Variants in FCER2 observed in about 807,000 individuals in gnomAD.
FCER2 encodes the protein low affinity immunoglobulin epsilon Fc receptor.
In FCER2, 38 loss-of-function variants were observed where a neutral mutation model predicts 49.7. The ratio of observed to expected loss-of-function variants is 0.76; its 90% CI spans 0.59 to 1.00. FCER2 has a LOEUF of 1.00. Among genes scored for constraint, FCER2 ranks in the 50% least tolerant of loss-of-function variants. The pLI, the probability that FCER2 is intolerant of heterozygous loss-of-function variation, is 0.00. For missense variants in FCER2, 425 were observed against 419.5 expected (o/e 1.01, Z -0.11); for synonymous variants, 163 against 164.6 (o/e 0.99, Z 0.07).
intron 8 of FCER2, among the ~76,000 whole-genome samples, chr19:7,693,779 G>A (rs1452075460): frequency 6.6e-6 from 1 of 151,930 alleles, no homozygotes; most frequent in East Asian, 2.0e-4. Context: ...CTCCCAAGTA[G>A]CTGGGATTAC....
chr19:7,696,428 G>T (rs781668295), intron 8 of FCER2, among the ~76,000 whole-genome samples: 2 of 151,992 alleles, frequency 1.3e-5, no homozygotes, highest in African/African-American at 4.8e-5. Flanking sequence ...TGGAGACGGG[G>T]TTTCACCATG....
rs866995831 is a variant in FCER2, at chr19:7,690,203, C to T, written c.684G>A (p.Leu228=). 3 of 1,614,078 alleles carry T rather than the reference C, an allele frequency of 1.9e-6. No homozygotes were observed. Among genetic ancestry groups the T allele is most frequent in the Admixed American group, 1.7e-5 (1 of 60,016 alleles). ...CATCCACCCAGATAAACTCCCCCTT[C>T]AGGTCCAAGTTCCGAAGGCCAATCC... ...GSWIGLRNLD[L]KGEFIWVDGS... is the part of the protein sequence containing the mutation. The change falls in exon 10 of 11, where the codon CTG becomes CTA. Residue 228 remains leucine, a synonymous_variant. Transcript: ENST00000597921.
At position 7,697,509 on chromosome 19, in the gene FCER2, A is replaced by C. The variant is rs1165519983; in HGVS notation, c.253+18T>G. 4 of 1,601,264 alleles carry C rather than the reference A, an allele frequency of 2.5e-6. No homozygotes were observed. The highest frequency in any genetic ancestry group is 3.4e-6 in the Non-Finnish European group (4 of 1,171,624). ...CCTCGCTTTTTCCCCTGCAACCCCA[A>C]CTCCAGGAGTCACTCACACTGGGAT... On this transcript the variant is annotated intron_variant, in intron 5 of 10. Coordinates refer to ENST00000597921, the MANE Select transcript of FCER2 (RefSeq NM_001220500.2).
rs549464635 is a variant in FCER2 at position 7,692,999 on chromosome 19, A to G, written c.470-2442T>C. Among the ~76,000 whole-genome samples, 5 of 152,156 alleles carry G rather than the reference A, an allele frequency of 3.3e-5. No homozygotes were observed. In the East Asian group the frequency reaches 9.6e-4, roughly 29 times the overall value. Reference sequence around the variant, plus strand: ...ACTTCAACCACCAACAAACCCCTCCAAGGTCAGCAACACCTTCATCACCGA... The same window carrying G: ...ACTTCAACCACCAACAAACCCCTCCGAGGTCAGCAACACCTTCATCACCGA... On this transcript the variant is annotated intron_variant, in intron 8 of 10. Coordinates refer to ENST00000597921, the MANE Select transcript of FCER2 (RefSeq NM_001220500.2).
chr19:7,700,152 G>C (rs2033122439), intron 1 of FCER2: 2 of 226,010 alleles, frequency 8.8e-6, no homozygotes, highest in Non-Finnish European at 1.8e-5. Context: ...ATGATACCAA[G>C]AACACCTATA....
At chr19:7,699,530 A>G (rs2033108499) in intron 2 of FCER2, 1 of 1,387,056 alleles carries the variant, frequency 7.2e-7, no homozygotes. Context: ...TGAATCAGAA[A>G]AAGGAGGGGC....
rs767687089 is a variant in FCER2 at position 7,697,265 on chromosome 19, C to T, written c.287G>A (p.Arg96Gln). ...AGATTTCAATCTCTGCTGTTCAGCT[C>T]GAAGTTCCTCCAGTTCCTGTGAAAT... ...TQISQELEEL[R>Q]AEQQRLKSQD... The change falls in exon 6 of 11, where the codon CGA becomes CAA. Residue 96 changes from arginine to glutamine, a missense_variant. Arg to Gln is a conservative substitution (Grantham distance 43). Transcript: ENST00000597921. The T allele has an allele frequency of 1.2e-5, 20 of 1,614,064 alleles. No individual in the cohort carries two copies. Among genetic ancestry groups the T allele is most frequent in the East Asian group, 2.2e-5 (1 of 44,904 alleles).
intron 6 of FCER2, 55 bp from the exon 7 acceptor site, chr19:7,697,130 G>A: frequency 6.2e-7 from 1 of 1,609,142 alleles, no homozygotes; most frequent in Non-Finnish European, 8.5e-7. Flanking sequence ...ACAGGCCGAG[G>A]GTGCCCCCCA....
chr19:7,696,737 G>T, intron 8 of FCER2, 88 bp downstream of exon 8: 1 of 938,918 alleles, frequency 1.1e-6, no homozygotes, highest in Non-Finnish European at 1.7e-6. Flanking sequence ...GCTGCCTCAC[G>T]TCACACGTGC....
In FCER2 at chr19:7,697,572, TC is replaced by T; in HGVS notation, c.207del (p.Asn70ThrfsTer33). The T allele has an allele frequency of 6.2e-7, 1 of 1,613,974 alleles. No individual in the cohort carries two copies. The highest frequency in any genetic ancestry group is 8.5e-7 in the Non-Finnish European group (1 of 1,179,936). On this transcript the variant is annotated frameshift_variant, in exon 5 of 11. Transcript: ENST00000597921. LOFTEE classifies it high-confidence loss of function. ...RAARNVSQVS[K>X]NLESHHGDQM... ...TGGTCACCGTGGTGGCTTTCCAAGT[TC>T]TTGGAAACTTGAGAGACTGGAGCGG...
Position 7,688,922 on chromosome 19 carries a change from G to C in FCER2, c.*271C>G. The C allele has an allele frequency of 2.0e-6, 1 of 489,598 alleles. No homozygotes were observed. Among genetic ancestry groups the C allele is most frequent in the African/African-American group, 1.9e-5 (1 of 51,560 alleles). 30.3% of individuals were successfully genotyped at this position (489,598 alleles called of 1,614,324 possible). A position where few individuals can be genotyped will look rare whatever the true frequency, so the allele number is the denominator to read the frequency against. On this transcript the variant is annotated 3_prime_UTR_variant, in exon 11 of 11. Transcript: ENST00000597921. ...GTTGGGGTGTACTCTCATCTGGAGAGGGTGCTGTTGGGGTGTACTCTCATC... is the reference window on the plus strand; with the variant it reads ...GTTGGGGTGTACTCTCATCTGGAGACGGTGCTGTTGGGGTGTACTCTCATC...
chr19:7,692,420 C>T (rs1462709165), intron 8 of FCER2, among the ~76,000 whole-genome samples: 1 of 149,778 alleles, frequency 6.7e-6, no homozygotes. Flanking sequence ...TCATGTCTAA[C>T]AACACATCAA....
intron 8 of FCER2, among the ~76,000 whole-genome samples, chr19:7,692,500 G>A (rs75114833): frequency 0.2 from 23,801 of 116,472 alleles, 5,491 homozygotes; most frequent in African/African-American, 0.41. Context: ...ATCAGCACGA[G>A]CACATTCACA....
intron 8 of FCER2, among the ~76,000 whole-genome samples, chr19:7,695,028 A>G (rs982469983): frequency 6.6e-6 from 1 of 151,970 alleles, no homozygotes; most frequent in Admixed American, 6.6e-5. Flanking sequence ...TTGAGGCAGG[A>G]TCTTGCTGTG....
intron 10 of FCER2, 140 bp downstream of exon 10, chr19:7,690,019 C>G: frequency 1.6e-6 from 1 of 630,924 alleles, no homozygotes; most frequent in Non-Finnish European, 2.8e-6. Context: ...CCCCAGCCCC[C>G]ACTGGCGTCC....
intron 4 of FCER2, among the ~76,000 whole-genome samples, chr19:7,697,872 G>A (rs2033059078): frequency 6.6e-6 from 1 of 152,186 alleles, no homozygotes; most frequent in African/African-American, 2.4e-5. Context: ...GGCACTAAAA[G>A]TATGCCCATT....
chr19:7,696,775 A>G, intron 8 of FCER2, 50 bp downstream of exon 8: 1 of 1,410,112 alleles, frequency 7.1e-7, no homozygotes, highest in Non-Finnish European at 9.8e-7. Context: ...AACACGCCCG[A>G]GCCCCAGGTG....
At chr19:7,699,551 C>A in intron 2 of FCER2, 188 bp downstream of exon 2, 5 of 1,196,830 alleles carry the variant, frequency 4.2e-6, no homozygotes, top group Non-Finnish European at 5.7e-6. Context: ...CCTCAATTTG[C>A]CACTCCTTCC....
At chr19:7,692,922 A>G (rs2032921058) in intron 8 of FCER2, among the ~76,000 whole-genome samples, 1 of 151,660 alleles carries the variant, frequency 6.6e-6, no homozygotes, top group African/African-American at 2.4e-5. Flanking sequence ...CTCATAGCCA[A>G]CAGTGCCTCA....
Sources: gnomAD v4.1 joint callset for allele counts (sites outside exome capture counted in the v4.1 genomes callset) on GRCh38, gnomAD v4.1.1 for gene constraint, MANE v1.5 for transcripts, NCBI Gene and HGNC (gene_info 2026-07-23, HGNC 2026-07-21) for gene names.